Variants in SRGAP1 observed in about 807,000 individuals in gnomAD.
SRGAP1 encodes SLIT-ROBO Rho GTPase activating protein 1.
In SRGAP1, 43 loss-of-function variants were observed where a neutral mutation model predicts 121.9. The observed-to-expected ratio is 0.35, with a 90% CI of 0.28 to 0.46. The LOEUF (loss-of-function observed/expected upper bound fraction) is 0.46. SRGAP1 is among the 20% of genes least tolerant of loss of function. SRGAP1 has a pLI of 1.00. For missense variants in SRGAP1, 1,102 were observed against 1,350.9 expected, an observed-to-expected ratio of 0.82 and a Z score of 2.89; for synonymous variants, 447 against 485.4, an observed-to-expected ratio of 0.92 and a Z score of 1.04.
chr12:64,051,986 A>C (rs2035246637), intron 6 of SRGAP1, among the ~76,000 whole-genome samples: 2 of 152,232 alleles, frequency 1.3e-5, no homozygotes, highest in African/African-American at 4.8e-5. Flanking sequence ...CTTAGTAGGT[A>C]AAAATTAATT....
chr12:64,150,349 G>A lies in SRGAP1; in HGVS notation c.*7677G>A, dbSNP rs1011722130. ...TTCACACCCAACAGCTGTCTATCAG[G>A]GGTGCTTCCGAGGGTCACTGGGTTT... On this transcript the variant is annotated 3_prime_UTR_variant, in exon 22 of 22. Coordinates refer to ENST00000355086, the MANE Select transcript of SRGAP1 (RefSeq NM_020762.4). 1.3e-5 allele frequency: 2 copies of A among 152,168 alleles called. No individual in the cohort carries two copies. Among genetic ancestry groups the A allele is most frequent in the Non-Finnish European group, 2.9e-5 (2 of 68,034 alleles). The allele number at this position is 152,168 out of a possible 1,614,324, so 9.4% of individuals were successfully genotyped here. A position where few individuals can be genotyped will look rare whatever the true frequency, so the allele number is the denominator to read the frequency against.
intron 21 of SRGAP1, among the ~76,000 whole-genome samples, chr12:64,136,898 T>TGGA (rs1189861236): frequency 6.6e-6 from 1 of 152,118 alleles, no homozygotes; most frequent in Non-Finnish European, 1.5e-5. Flanking sequence ...TTTAGGTGCT[T>TGGA]GGAGGTAGGA....
intron 1 of SRGAP1, among the ~76,000 whole-genome samples, chr12:63,912,000 G>A (rs2030523462): frequency 6.6e-6 from 1 of 152,172 alleles, no homozygotes; most frequent in South Asian, 2.1e-4. Context: ...AGTGGAGGAT[G>A]TGCAGAGTTA....
chr12:63,893,957 G>T (rs576276629), intron 1 of SRGAP1, among the ~76,000 whole-genome samples: 1 of 152,150 alleles, frequency 6.6e-6, no homozygotes, highest in African/African-American at 2.4e-5. Context: ...TCCTGCCTCG[G>T]CCTCTCAAGT....
chr12:63,949,024 TTTCCATATATGTATTTTC>T (rs2032171297), intron 1 of SRGAP1, among the ~76,000 whole-genome samples: 1 of 142,920 alleles, frequency 7.0e-6, no homozygotes, highest in African/African-American at 2.6e-5. Flanking sequence ...ATATATGTAT[TTTCCATATATGTATTTTC>T]CATATATGTA....
At chr12:63,871,952 C>G (rs2136277681) in intron 1 of SRGAP1, 2 of 1,133,274 alleles carry the variant, frequency 1.8e-6, no homozygotes, top group East Asian at 4.7e-5. Context: ...ACCTCTTTCC[C>G]TGGGCATACG....
Position 64,155,033 on chromosome 12 carries a change from TA to T in SRGAP1, c.*12362del, listed in dbSNP as rs1565705638. On this transcript the variant is annotated 3_prime_UTR_variant, in exon 22 of 22. Transcript: ENST00000355086. Reference sequence around the variant, plus strand: ...ATAGTTAACATTTGTTAAATATATATATTTTTTTCTTTTTCTTTTTCTTTTT... The same window carrying T: ...ATAGTTAACATTTGTTAAATATATATTTTTTTTCTTTTTCTTTTTCTTTTT... The T allele has an allele frequency of 2.6e-5, 4 of 152,258 alleles. No individual in the cohort carries two copies. In the South Asian group the frequency reaches 6.2e-4, roughly 24 times the overall value. 9.4% of individuals were successfully genotyped at this position (152,258 alleles called of 1,614,324 possible).
At chr12:63,952,228 C>T (rs975502145) in intron 1 of SRGAP1, among the ~76,000 whole-genome samples, 10 of 152,130 alleles carry the variant, frequency 6.6e-5, no homozygotes, top group East Asian at 3.9e-4. Context: ...AGACCCCCAC[C>T]AGGGCTGGAT....
intron 4 of SRGAP1, among the ~76,000 whole-genome samples, chr12:64,031,511 TA>T (rs1168057129): frequency 2.0e-5 from 3 of 152,052 alleles, no homozygotes; most frequent in African/African-American, 7.2e-5. Context: ...ACCTCCTTTG[TA>T]GGAGTTACAT....
intron 1 of SRGAP1, among the ~76,000 whole-genome samples, chr12:63,962,822 T>C (rs1005817471): frequency 1.3e-5 from 2 of 152,204 alleles, no homozygotes; most frequent in Admixed American, 6.5e-5. Flanking sequence ...GAAAGGTGGC[T>C]AATCCAAGTT....
At chr12:63,920,992 T>C (rs571876394) in intron 1 of SRGAP1, among the ~76,000 whole-genome samples, 4 of 152,198 alleles carry the variant, frequency 2.6e-5, no homozygotes, top group Non-Finnish European at 5.9e-5. Flanking sequence ...ATTAAACATG[T>C]ACAAAACTGA....
intron 17 of SRGAP1, among the ~76,000 whole-genome samples, chr12:64,113,421 A>C (rs111304904): frequency 0.026 from 3,977 of 152,192 alleles, 150 homozygotes; most frequent in African/African-American, 0.09. Flanking sequence ...AAAATAAAAA[A>C]ATTTAGAAGG....
chr12:63,965,102 C>T (rs1433783079), intron 1 of SRGAP1, among the ~76,000 whole-genome samples: 3 of 152,060 alleles, frequency 2.0e-5, no homozygotes, highest in South Asian at 2.1e-4. Context: ...TAGGAATGTT[C>T]GAATGTGTGC....
chr12:63,897,673 T>TTGCCAGGCATTTTGG (rs1900798728), intron 1 of SRGAP1, among the ~76,000 whole-genome samples: 1 of 152,218 alleles, frequency 6.6e-6, no homozygotes, highest in African/African-American at 2.4e-5. Context: ...ACAGTTTTAT[T>TTGCCAGGCATTTTGG]AAAATTGTGG....
intron 2 of SRGAP1, among the ~76,000 whole-genome samples, chr12:63,987,645 C>T (rs554548774): frequency 6.6e-6 from 1 of 152,184 alleles, no homozygotes; most frequent in South Asian, 2.1e-4. Flanking sequence ...TCGCTTGAAC[C>T]CCGGAGGAAA....
intron 3 of SRGAP1, among the ~76,000 whole-genome samples, chr12:63,991,872 G>A (rs1418801428): frequency 6.6e-6 from 1 of 152,174 alleles, no homozygotes; most frequent in Non-Finnish European, 1.5e-5. Context: ...GGCTAGGGGA[G>A]CAGAGCTAAA....
intron 1 of SRGAP1, among the ~76,000 whole-genome samples, chr12:63,931,926 G>A (rs1314673419): frequency 6.6e-6 from 1 of 152,162 alleles, no homozygotes; most frequent in Non-Finnish European, 1.5e-5. Flanking sequence ...CACATAGAAC[G>A]ATGTAGGGTT....
rs137984097 is a variant in SRGAP1 at position 64,131,904 on chromosome 12, C to A, written c.2880+3704C>A. On this transcript the variant is annotated intron_variant, in intron 21 of 21. Coordinates refer to ENST00000355086, the MANE Select transcript of SRGAP1 (RefSeq NM_020762.4). ...CAAAAGGAGAGTAGTTGGCCAGGCGCAGTGGCTCATGCCTGTAATCCCAGC... is the reference window on the plus strand; with the variant it reads ...CAAAAGGAGAGTAGTTGGCCAGGCGAAGTGGCTCATGCCTGTAATCCCAGC... Among the ~76,000 whole-genome samples the A allele has an allele frequency of 2.2e-3, 328 of 152,314 alleles. 1 individual carries two copies. The highest frequency in any genetic ancestry group is 7.7e-3 in the African/African-American group (322 of 41,570).
At chr12:64,075,643 C>G (rs1340143512) in intron 8 of SRGAP1, among the ~76,000 whole-genome samples, 1 of 152,132 alleles carries the variant, frequency 6.6e-6, no homozygotes, top group Non-Finnish European at 1.5e-5. Context: ...CTACAAGAGC[C>G]TATTTGACTA....
Sources: gnomAD v4.1 joint callset for allele counts (sites outside exome capture counted in the v4.1 genomes callset) on GRCh38, gnomAD v4.1.1 for gene constraint, MANE v1.5 for transcripts, NCBI Gene and HGNC (gene_info 2026-07-23, HGNC 2026-07-21) for gene names.